Variants in RNF128 observed in about 807,000 individuals in gnomAD.
RNF128 encodes the protein E3 ubiquitin-protein ligase RNF128.
Under a neutral mutation model 26.2 loss-of-function variants are expected in RNF128, and 13 were observed. That is an observed-to-expected ratio of 0.50 (90% CI 0.32 to 0.79). The LOEUF is 0.79. Ranked by LOEUF, RNF128 falls within the 30% of genes least tolerant of loss-of-function variation. The pLI is 0.03. For missense variants in RNF128, 315 were observed against 349.7 expected, an observed-to-expected ratio of 0.90 and a Z score of 0.79; for synonymous variants, 149 against 142.5, an observed-to-expected ratio of 1.05 and a Z score of -0.32.
intron 1 of RNF128, among the ~76,000 whole-genome samples, chrX:106,717,769 G>A (rs933610559): frequency 2.7e-5 from 3 of 112,096 alleles, no homozygotes; most frequent in African/African-American, 9.7e-5. Context: ...TCCTTAATTT[G>A]TATACTTAAT....
At chrX:106,763,635 T>C (rs1930158676) in intron 1 of RNF128, among the ~76,000 whole-genome samples, 1 of 110,799 alleles carries the variant, frequency 9.0e-6, no homozygotes, top group Non-Finnish European at 1.9e-5. Context: ...GCCTCCCGAG[T>C]AGCTGGGACT....
intron 1 of RNF128, among the ~76,000 whole-genome samples, chrX:106,771,476 A>G (rs1245393328): frequency 8.9e-6 from 1 of 112,313 alleles, no homozygotes; most frequent in Non-Finnish European, 1.9e-5. Flanking sequence ...CCCCAGCCCC[A>G]CTGCTGCCTT....
upstream of RNF128, among the ~76,000 whole-genome samples, chrX:106,725,901 C>T (rs1929384858): frequency 8.8e-6 from 1 of 113,108 alleles, no homozygotes; most frequent in African/African-American, 3.2e-5. Context: ...AATACTTAAG[C>T]AAGGATAAAT....
At chrX:106,713,053 G>A (rs1929156014) in intron 1 of RNF128, among the ~76,000 whole-genome samples, 1 of 108,000 alleles carries the variant, frequency 9.3e-6, no homozygotes, top group Admixed American at 9.9e-5. Context: ...TCTAATTTTT[G>A]TATTTTTATT....
Position 106,727,351 on chromosome X carries a change from T to C in RNF128, c.438T>C (p.Phe146=). Residue 146 remains phenylalanine, a synonymous_variant, in exon 1 of 7, where the codon TTT becomes TTC. Coordinates refer to ENST00000255499, the MANE Select transcript of RNF128 (RefSeq NM_194463.2). ...YERGASGAVI[F]NFPGTRNEVI... is the part of the protein sequence containing the mutation. ...GAGGGGCGTCTGGAGCCGTCATCTT[T>C]AACTTCCCCGGGACCCGCAATGAGG... is the stretch of plus-strand genomic sequence containing the variant. 1 of 1,211,533 alleles carries C rather than the reference T, an allele frequency of 8.3e-7. No individual in the cohort carries two copies. Among genetic ancestry groups the C allele is most frequent in the South Asian group, 1.8e-5 (1 of 56,926 alleles).
chrX:106,708,588 T>C (rs1239827353), intron 1 of RNF128, among the ~76,000 whole-genome samples: 1 of 112,175 alleles, frequency 8.9e-6, no homozygotes, highest in East Asian at 2.8e-4. Context: ...TTAAGTGCTT[T>C]CAGAGAAAGA....
At chrX:106,725,988 T>A (rs925074480), upstream of RNF128, among the ~76,000 whole-genome samples, 3 of 113,209 alleles carry the variant, frequency 2.6e-5, no homozygotes, top group Admixed American at 2.8e-4. Context: ...GGAGAAAGAT[T>A]ATGTAGTTAA....
chrX:106,713,173 C>T (rs1460339294), intron 1 of RNF128, among the ~76,000 whole-genome samples: 2 of 106,773 alleles, frequency 1.9e-5, no homozygotes, highest in African/African-American at 3.4e-5. Context: ...AGGTGTGAGC[C>T]GCTGTCCCCA....
At chrX:106,765,910 A>G (rs556183518) in intron 1 of RNF128, among the ~76,000 whole-genome samples, 7 of 62,118 alleles carry the variant, frequency 1.1e-4, no homozygotes, top group African/African-American at 4.9e-4. Context: ...GATGTTCCCC[A>G]CCCTGTGTCC....
At chrX:106,743,331 C>A (rs1271872813) in intron 1 of RNF128, among the ~76,000 whole-genome samples, 4 of 112,236 alleles carry the variant, frequency 3.6e-5, no homozygotes, top group Non-Finnish European at 7.5e-5. Flanking sequence ...GTGATATTAA[C>A]AACTGACTTT....
At chrX:106,764,953 A>G (rs1930190879) in intron 1 of RNF128, among the ~76,000 whole-genome samples, 1 of 111,606 alleles carries the variant, frequency 9.0e-6, no homozygotes, top group Non-Finnish European at 1.9e-5. Flanking sequence ...AATAAATAGA[A>G]AAAAAGGGCC....
chrX:106,788,457 TATA>T (rs1238948072), intron 4 of RNF128, among the ~76,000 whole-genome samples: 3 of 50,020 alleles, frequency 6.0e-5, no homozygotes, highest in East Asian at 6.9e-4. Context: ...TTATAATATA[TATA>T]ATATTATTAT....
intron 1 of RNF128, among the ~76,000 whole-genome samples, chrX:106,720,905 G>T (rs1929299281): frequency 9.0e-6 from 1 of 111,415 alleles, no homozygotes. Flanking sequence ...TAAAGTTATG[G>T]ATATGAAAAG....
intron 1 of RNF128, among the ~76,000 whole-genome samples, chrX:106,714,590 C>T (rs1039788871): frequency 1.8e-5 from 2 of 111,057 alleles, no homozygotes; most frequent in African/African-American, 6.6e-5. Context: ...TATGCATGTT[C>T]TGCACAATTT....
At chrX:106,770,685 G>A (rs757441665) in intron 1 of RNF128, among the ~76,000 whole-genome samples, 1 of 111,304 alleles carries the variant, frequency 9.0e-6, no homozygotes, top group South Asian at 3.8e-4. Flanking sequence ...CTTTGCGATG[G>A]GTTCGAACAT....
At chrX:106,694,535 G>A in intron 1 of RNF128, 1 of 388,333 alleles carries the variant, frequency 2.6e-6, no homozygotes, top group Non-Finnish European at 4.2e-6. Flanking sequence ...TTTCTTGCCT[G>A]GCACAACTTG....
chrX:106,727,456 T>C (rs1929424843), intron 1 of RNF128, 59 bp downstream of exon 1: 3 of 1,168,243 alleles, frequency 2.6e-6, no homozygotes, highest in Admixed American at 4.6e-5. Flanking sequence ...GTTTCTCTTA[T>C]TTTCCTCATT....
At chrX:106,786,384 C>A (rs1262940042) in intron 3 of RNF128, among the ~76,000 whole-genome samples, 1 of 111,325 alleles carries the variant, frequency 9.0e-6, no homozygotes, top group Admixed American at 9.6e-5. Flanking sequence ...ATTGGATATC[C>A]TTAAGCAAAA....
intron 1 of RNF128, among the ~76,000 whole-genome samples, chrX:106,731,044 G>C (rs1929493556): frequency 8.9e-6 from 1 of 112,349 alleles, no homozygotes; most frequent in South Asian, 3.6e-4. Context: ...TAATAAACTT[G>C]CCTCCTAAGG....
Sources: allele counts gnomAD v4.1 joint callset (sites outside exome capture counted in the v4.1 genomes callset), GRCh38; gene constraint gnomAD v4.1.1; transcripts MANE v1.5; gene names NCBI Gene and HGNC (gene_info 2026-07-23, HGNC 2026-07-21).